The following DAB1 variants were observed in gnomAD, a reference collection of about 807,000 sequenced individuals.
DAB1 encodes DAB adaptor protein 1.
DAB1 carries 15 observed loss-of-function variants against 64.6 expected under a neutral mutation model. The ratio of observed to expected loss-of-function variants is 0.23; its 90% CI spans 0.16 to 0.36. The LOEUF (loss-of-function observed/expected upper bound fraction) is 0.36, where lower values mean the gene tolerates loss of function less well. Ranked by LOEUF, DAB1 falls within the 10% of genes least tolerant of loss-of-function variation. The pLI, the probability that DAB1 is intolerant of heterozygous loss-of-function variation, is 1.00. For synonymous variants in DAB1, 235 were observed against 251.9 expected (o/e 0.93, Z 0.64); for missense variants, 596 against 706.7 (o/e 0.84, Z 1.78).
intron 6 of DAB1, among the ~76,000 whole-genome samples, chr1:57,722,591 T>C (rs2101760833): frequency 6.6e-6 from 1 of 152,330 alleles, no homozygotes; most frequent in African/African-American, 2.4e-5. Context: ...CTGGATAGCC[T>C]GAGAAGTGGT....
chr1:57,570,363 G>C (rs1386377704), intron 7 of DAB1, among the ~76,000 whole-genome samples: 1 of 149,790 alleles, frequency 6.7e-6, no homozygotes, highest in African/African-American at 2.5e-5. Context: ...GTGGGGCCTT[G>C]TGATTACGTG....
At chr1:57,098,089 A>C (rs536062) in intron 4 of DAB1, among the ~76,000 whole-genome samples, 93,171 of 152,022 alleles carry the variant, frequency 0.61, 29,109 homozygotes, top group East Asian at 0.85. Flanking sequence ...AACTTTATTT[A>C]TTTTTTAATA....
chr1:57,832,506 G>A (rs1387580702), intron 1 of DAB1, among the ~76,000 whole-genome samples: 1 of 152,180 alleles, frequency 6.6e-6, no homozygotes, highest in Non-Finnish European at 1.5e-5. Flanking sequence ...GGTAAACAGC[G>A]GTGCTCTCCA....
chr1:58,439,481 T>C (rs906254738), intron 3 of DAB1, among the ~76,000 whole-genome samples: 10 of 152,212 alleles, frequency 6.6e-5, no homozygotes, highest in Admixed American at 2.6e-4. Flanking sequence ...TCTGAGCTTT[T>C]TGAGAACAGA....
At chr1:58,004,970 C>G (rs1646560055) in intron 5 of DAB1, among the ~76,000 whole-genome samples, 1 of 152,142 alleles carries the variant, frequency 6.6e-6, no homozygotes, top group African/African-American at 2.4e-5. Flanking sequence ...ATTAAAACCT[C>G]TCAGCTACTA....
chr1:58,296,344 G>A (rs903001264), intron 4 of DAB1, among the ~76,000 whole-genome samples: 1 of 152,180 alleles, frequency 6.6e-6, no homozygotes, highest in African/African-American at 2.4e-5. Flanking sequence ...AAAGAGCAAT[G>A]GTTGATTGTG....
intron 2 of DAB1, among the ~76,000 whole-genome samples, chr1:57,173,374 CAT>C (rs1661985302): frequency 6.6e-6 from 1 of 152,156 alleles, no homozygotes; most frequent in Non-Finnish European, 1.5e-5. Context: ...GTAGTCAAAA[CAT>C]AGTCAAAACT....
intron 1 of DAB1, among the ~76,000 whole-genome samples, chr1:57,854,172 T>C (rs983325840): frequency 5.3e-5 from 8 of 152,254 alleles, no homozygotes; most frequent in African/African-American, 1.9e-4. Flanking sequence ...AAATAATTAT[T>C]ACTCAGTGTA....
At chr1:57,461,724 GC>G (rs1262551899) in intron 7 of DAB1, among the ~76,000 whole-genome samples, 1 of 152,016 alleles carries the variant, frequency 6.6e-6, no homozygotes, top group Non-Finnish European at 1.5e-5. Context: ...CCTCATTCAT[GC>G]CCCTGTGCAT....
chr1:58,232,424 T>C (rs986272104), intron 4 of DAB1, among the ~76,000 whole-genome samples: 2 of 151,316 alleles, frequency 1.3e-5, no homozygotes, highest in African/African-American at 4.9e-5. Flanking sequence ...GCTCTGAGGT[T>C]ACCTGCCCAC....
intron 1 of DAB1, among the ~76,000 whole-genome samples, chr1:57,832,707 AAG>A (rs1162694238): frequency 6.6e-6 from 1 of 152,208 alleles, no homozygotes; most frequent in Non-Finnish European, 1.5e-5. Flanking sequence ...TGGGGGGGCA[AAG>A]AGAGAAAAGA....
chr1:57,357,519 CTTTT>C (rs35457403), intron 1 of DAB1, among the ~76,000 whole-genome samples: 1 of 122,786 alleles, frequency 8.1e-6, no homozygotes. Context: ...CACCTTCTTC[CTTTT>C]TTTTTTTTTT....
At chr1:58,291,123 C>T (rs1028473998) in intron 4 of DAB1, among the ~76,000 whole-genome samples, 9 of 152,270 alleles carry the variant, frequency 5.9e-5, no homozygotes, top group African/African-American at 2.2e-4. Context: ...AGCAACATGT[C>T]CTCGACATCG....
chr1:58,290,051 C>G (rs996577370), intron 4 of DAB1, among the ~76,000 whole-genome samples: 2 of 152,152 alleles, frequency 1.3e-5, no homozygotes, highest in African/African-American at 4.8e-5. Context: ...TTAAAAACCA[C>G]AAATATTGAG....
intron 1 of DAB1, among the ~76,000 whole-genome samples, chr1:57,410,067 T>G (rs535522493): frequency 2.4e-4 from 37 of 152,288 alleles, no homozygotes; most frequent in African/African-American, 8.9e-4. Flanking sequence ...TTCCTTTGAT[T>G]TGATAAAACT....
chr1:57,889,531 C>G (rs1450394899), intron 5 of DAB1, among the ~76,000 whole-genome samples: 2 of 152,146 alleles, frequency 1.3e-5, no homozygotes, highest in Non-Finnish European at 2.9e-5. Context: ...TTTTTATGAA[C>G]AAGACAACAG....
At chr1:58,276,668 A>C (rs1661452637) in intron 4 of DAB1, among the ~76,000 whole-genome samples, 1 of 152,228 alleles carries the variant, frequency 6.6e-6, no homozygotes, top group South Asian at 2.1e-4. Flanking sequence ...GGAAGGGTCT[A>C]GAGTCCTCTT....
intron 2 of DAB1, among the ~76,000 whole-genome samples, chr1:57,184,908 C>CA (rs1663370176): frequency 6.6e-6 from 1 of 152,124 alleles, no homozygotes. Context: ...TGTAGCGATC[C>CA]AACAAATATA....
At chr1:58,224,955 A>T (rs1466079274) in intron 4 of DAB1, among the ~76,000 whole-genome samples, 1 of 152,222 alleles carries the variant, frequency 6.6e-6, no homozygotes, top group Non-Finnish European at 1.5e-5. Flanking sequence ...GCCAAAATTG[A>T]CAAATCGGAT....
Sources: allele counts gnomAD v4.1 joint callset (sites outside exome capture counted in the v4.1 genomes callset), GRCh38; gene constraint gnomAD v4.1.1; transcripts MANE v1.5; gene names NCBI Gene and HGNC (gene_info 2026-07-23, HGNC 2026-07-21).